Variants in DYNC2H1 observed in about 807,000 individuals in gnomAD.
DYNC2H1 encodes dynein cytoplasmic 2 heavy chain 1, also known as cytoplasmic dynein 2 heavy chain 1.
Under a neutral mutation model 570.0 loss-of-function variants are expected in DYNC2H1, and 410 were observed. That is an observed-to-expected ratio of 0.72 (90% CI 0.66 to 0.78). The LOEUF (loss-of-function observed/expected upper bound fraction) is 0.78. Ranked by LOEUF, DYNC2H1 falls within the 30% of genes least tolerant of loss-of-function variation. DYNC2H1 has a pLI of 0.00. For missense variants in DYNC2H1, 4,865 were observed against 5,046.4 expected (o/e 0.96, Z 1.09); for synonymous variants, 1,688 against 1,677.6 (o/e 1.01, Z -0.15).
At chr11:103,287,915 A>AT (rs1866414311) in intron 75 of DYNC2H1, among the ~76,000 whole-genome samples, 2 of 152,132 alleles carry the variant, frequency 1.3e-5, no homozygotes, top group South Asian at 4.1e-4. Flanking sequence ...CCGGAGTTTT[A>AT]TTATTACTCA....
chr11:103,382,352 C>T (rs1233485847), intron 83 of DYNC2H1, among the ~76,000 whole-genome samples: 3 of 152,092 alleles, frequency 2.0e-5, no homozygotes, highest in Non-Finnish European at 4.4e-5. Flanking sequence ...CAGAATGTTC[C>T]CTAGATTTAT....
intron 76 of DYNC2H1, among the ~76,000 whole-genome samples, chr11:103,303,940 C>A (rs1867158851): frequency 1.3e-5 from 2 of 151,910 alleles, no homozygotes; most frequent in South Asian, 2.1e-4. Context: ...TTTACCTGAC[C>A]TGAAAGAAAT....
At chr11:103,220,559 T>C in intron 56 of DYNC2H1, 64 bp from the exon 57 acceptor site, 1 of 1,451,068 alleles carries the variant, frequency 6.9e-7, no homozygotes, top group Non-Finnish European at 9.2e-7. Flanking sequence ...ACATAATTTT[T>C]CAAGAGTTAA....
At chr11:103,384,416 G>T (rs1264276660) in intron 83 of DYNC2H1, among the ~76,000 whole-genome samples, 1 of 152,066 alleles carries the variant, frequency 6.6e-6, no homozygotes, top group Non-Finnish European at 1.5e-5. Flanking sequence ...CTTATAAAGA[G>T]CCTATAGCTG....
At chr11:103,286,092 C>G (rs1375622394) in intron 73 of DYNC2H1, among the ~76,000 whole-genome samples, 163 bp from the exon 74 acceptor site, 1 of 152,058 alleles carries the variant, frequency 6.6e-6, no homozygotes, top group Non-Finnish European at 1.5e-5. Context: ...GGTGAGTTTA[C>G]CATAGAGTTG....
intron 77 of DYNC2H1, among the ~76,000 whole-genome samples, chr11:103,307,117 T>A (rs1053895321): frequency 2.0e-5 from 3 of 152,092 alleles, no homozygotes; most frequent in African/African-American, 2.4e-5. Context: ...GGAAATATGA[T>A]GAGTAAAGAT....
intron 84 of DYNC2H1, chr11:103,406,125 C>T (rs1942856418): frequency 6.6e-6 from 1 of 151,994 alleles, no homozygotes; most frequent in Non-Finnish European, 1.5e-5. Flanking sequence ...GCAGAATAGT[C>T]TTGCAGTCCT....
At position 103,245,444 on chromosome 11, in the gene DYNC2H1, C is replaced by A; in HGVS notation, c.10042+70C>A. On this transcript the variant is annotated intron_variant, in intron 65 of 88. Transcript: ENST00000375735. This position sits in a 1 kb window ranked among gnomAD's most constrained non-coding sequence, Gnocchi z 4.5. ...CCAAAGTAAGTAATTAAACCAGGTG[C>A]AAGCTTTCAAGAGTCCTCTTCCAGT... is the stretch of plus-strand genomic sequence containing the variant. 1.4e-6 allele frequency: 2 copies of A among 1,452,888 alleles called. No individual in the cohort carries two copies. Among genetic ancestry groups the A allele is most frequent in the Admixed American group, 2.4e-5 (1 of 41,288 alleles). 90.0% of individuals were successfully genotyped at this position (1,452,888 alleles called of 1,614,324 possible). A position where few individuals can be genotyped will look rare whatever the true frequency, so the allele number is the denominator to read the frequency against.
rs928834846 is a variant in DYNC2H1, at chr11:103,163,835, T to A, written c.4611+688T>A. Among the ~76,000 whole-genome samples, 1 of 152,190 alleles carries A rather than the reference T, an allele frequency of 6.6e-6. No homozygotes were observed. The highest frequency in any genetic ancestry group is 1.5e-5 in the Non-Finnish European group (1 of 68,032). ...TTTCATGATTTCTTACAGAAAAATC[T>A]ACCCAGCAGCTCTCAAAGTTATTTG... is the stretch of plus-strand genomic sequence containing the variant. On this transcript the variant is annotated intron_variant, in intron 30 of 88. Transcript: ENST00000375735. The surrounding 1 kb of genome is among the most constrained non-coding windows in gnomAD (Gnocchi z 4.6).
chr11:103,453,994 A>C (rs1374627391), intron 85 of DYNC2H1, among the ~76,000 whole-genome samples: 19 of 152,080 alleles, frequency 1.2e-4, no homozygotes. Context: ...AGATCTTTTA[A>C]AAGTCTTTTC....
rs1440444746 is a variant in DYNC2H1 at position 103,369,012 on chromosome 11, T to A, written c.12156+10653T>A. Among the ~76,000 whole-genome samples the A allele has an allele frequency of 6.6e-6, 1 of 152,096 alleles. No individual in the cohort carries two copies. On this transcript the variant is annotated intron_variant, in intron 83 of 88. Transcript: ENST00000375735. This position sits in a 1 kb window ranked among gnomAD's most constrained non-coding sequence, Gnocchi z 4.0. ...AAACCACCTTTATAAGCACTAAAAA[T>A]CAGGTAAGCACTCACAATAACTGGT...
At chr11:103,389,551 G>A (rs553460838) in intron 83 of DYNC2H1, among the ~76,000 whole-genome samples, 1 of 152,202 alleles carries the variant, frequency 6.6e-6, no homozygotes, top group East Asian at 1.9e-4. Flanking sequence ...TGTTGAATGT[G>A]TTTGCTCTTG....
chr11:103,293,884 C>T (rs569863441), intron 75 of DYNC2H1, among the ~76,000 whole-genome samples: 1 of 152,030 alleles, frequency 6.6e-6, no homozygotes, highest in Admixed American at 6.6e-5. Flanking sequence ...CAACACCAGC[C>T]TGGCCAACAT....
At chr11:103,355,069 T>C (rs1385839604) in intron 82 of DYNC2H1, among the ~76,000 whole-genome samples, 2 of 152,138 alleles carry the variant, frequency 1.3e-5, no homozygotes, top group Non-Finnish European at 2.9e-5. Flanking sequence ...ATTTATTATT[T>C]TATGTCTTTG....
chr11:103,454,587 A>G (rs1485107011), intron 85 of DYNC2H1, among the ~76,000 whole-genome samples: 1 of 152,182 alleles, frequency 6.6e-6, no homozygotes, highest in African/African-American at 2.4e-5. Context: ...CATGGAAAGC[A>G]TATAGTAAGT....
chr11:103,260,155 A>C (rs1865213820), intron 70 of DYNC2H1, among the ~76,000 whole-genome samples, 178 bp downstream of exon 70: 1 of 151,106 alleles, frequency 6.6e-6, no homozygotes, highest in African/African-American at 2.4e-5. Flanking sequence ...TAGTGGGGAA[A>C]AAAGTGACAA....
chr11:103,332,009 G>A (rs1206181515), intron 82 of DYNC2H1, among the ~76,000 whole-genome samples: 3 of 151,468 alleles, frequency 2.0e-5, no homozygotes, highest in African/African-American at 2.4e-5. Flanking sequence ...GCAGTGAGCC[G>A]AGATCGTGCC....
intron 82 of DYNC2H1, among the ~76,000 whole-genome samples, chr11:103,336,886 C>CT (rs1032719435): frequency 5.9e-5 from 9 of 151,908 alleles, no homozygotes; most frequent in Admixed American, 3.3e-4. Context: ...TACTGATTTC[C>CT]TTTTTTTTGG....
intron 85 of DYNC2H1, among the ~76,000 whole-genome samples, chr11:103,451,861 T>C (rs1231741490): frequency 1.3e-5 from 2 of 152,226 alleles, no homozygotes; most frequent in Non-Finnish European, 2.9e-5. Context: ...ACTTTGTTAA[T>C]GTTATTAACT....
Sources: allele counts gnomAD v4.1 joint callset (sites outside exome capture counted in the v4.1 genomes callset), GRCh38; gene constraint gnomAD v4.1.1; non-coding constraint Gnocchi (gnomAD v3.1); transcripts MANE v1.5; gene names NCBI Gene and HGNC (gene_info 2026-07-23, HGNC 2026-07-21).